The following NELL1 variants were observed in gnomAD, a reference collection of about 807,000 sequenced individuals.
NELL1 encodes the protein neural EGFL like 1.
In NELL1, 76 loss-of-function variants were observed where a neutral mutation model predicts 107.4. The ratio of observed to expected loss-of-function variants is 0.71; its 90% CI spans 0.59 to 0.86. The LOEUF is 0.86. Ranked by LOEUF, NELL1 falls within the 40% of genes least tolerant of loss-of-function variation. NELL1 has a pLI of 0.00. For missense variants in NELL1, 1,024 were observed against 1,005.5 expected (o/e 1.02, Z -0.25); for synonymous variants, 353 against 341.2 (o/e 1.03, Z -0.38).
intron 4 of NELL1, among the ~76,000 whole-genome samples, chr11:20,864,596 A>G (rs1283385883): frequency 6.6e-6 from 1 of 152,178 alleles, no homozygotes; most frequent in Non-Finnish European, 1.5e-5. Flanking sequence ...CCCAATTGGC[A>G]GGGGTCAATC....
chr11:21,397,235 T>C (rs1339791089), intron 15 of NELL1, among the ~76,000 whole-genome samples: 1 of 151,680 alleles, frequency 6.6e-6, no homozygotes, highest in Admixed American at 6.6e-5. Context: ...CAATGATTTA[T>C]TGTTCTTTAA....
intron 14 of NELL1, among the ~76,000 whole-genome samples, chr11:21,341,479 A>C (rs1236745606): frequency 1.3e-5 from 2 of 152,312 alleles, no homozygotes; most frequent in Non-Finnish European, 2.9e-5. Context: ...TTTGTAAACA[A>C]AGCCTCATGT....
At chr11:20,969,149 C>T (rs1435453975) in intron 12 of NELL1, among the ~76,000 whole-genome samples, 2 of 152,158 alleles carry the variant, frequency 1.3e-5, no homozygotes, top group Admixed American at 1.3e-4. Flanking sequence ...TAGGATTTGA[C>T]TACTTAACCA....
intron 15 of NELL1, among the ~76,000 whole-genome samples, chr11:21,489,186 G>T (rs1451350494): frequency 1.3e-5 from 2 of 151,462 alleles, no homozygotes; most frequent in Non-Finnish European, 2.9e-5. Context: ...TAGAGGAAAT[G>T]GATAAATTCC....
At chr11:21,404,078 CATT>C (rs148407266) in intron 15 of NELL1, among the ~76,000 whole-genome samples, 1,555 of 140,856 alleles carry the variant, frequency 0.011, 12 homozygotes, top group Non-Finnish European at 0.018. Flanking sequence ...AATTCAATCT[CATT>C]GTTGAACTTC....
intron 12 of NELL1, among the ~76,000 whole-genome samples, chr11:20,980,668 A>C (rs571149056): frequency 6.6e-6 from 1 of 152,196 alleles, no homozygotes; most frequent in Non-Finnish European, 1.5e-5. Flanking sequence ...TTGCATATCA[A>C]TTTATCTCTA....
intron 14 of NELL1, among the ~76,000 whole-genome samples, chr11:21,277,577 C>T (rs1848896144): frequency 6.6e-6 from 1 of 152,164 alleles, no homozygotes; most frequent in African/African-American, 2.4e-5. Flanking sequence ...ATAAATCTTG[C>T]TGCTATAAAG....
chr11:21,295,996 T>C (rs1184239744), intron 14 of NELL1, among the ~76,000 whole-genome samples: 1 of 152,136 alleles, frequency 6.6e-6, no homozygotes, highest in African/African-American at 2.4e-5. Flanking sequence ...AGTTTAAGCA[T>C]CTGGTTTGCT....
intron 12 of NELL1, among the ~76,000 whole-genome samples, chr11:21,070,056 T>G (rs1357943337): frequency 6.6e-6 from 1 of 152,078 alleles, no homozygotes; most frequent in Non-Finnish European, 1.5e-5. Flanking sequence ...CAAAATAGTT[T>G]CCTTGCCTGA....
chr11:20,676,223 A>G (rs2467091), intron 1 of NELL1, among the ~76,000 whole-genome samples: 5 of 151,418 alleles, frequency 3.3e-5, no homozygotes, highest in Admixed American at 6.6e-5. Context: ...CTTGAAAGAA[A>G]CTTTTCAACC....
At chr11:21,306,652 C>T (rs1565158857) in intron 14 of NELL1, among the ~76,000 whole-genome samples, 1 of 152,052 alleles carries the variant, frequency 6.6e-6, no homozygotes, top group Non-Finnish European at 1.5e-5. Context: ...TCATCAACTT[C>T]ACCTAATAAA....
At chr11:21,135,107 G>A (rs1284212536) in intron 13 of NELL1, among the ~76,000 whole-genome samples, 3 of 152,070 alleles carry the variant, frequency 2.0e-5, no homozygotes, top group Admixed American at 1.3e-4. Context: ...GCTTAAAAGT[G>A]GGGAAAAGCA....
intron 2 of NELL1, among the ~76,000 whole-genome samples, chr11:20,703,548 G>A (rs576222248): frequency 2.6e-5 from 4 of 151,924 alleles, no homozygotes; most frequent in African/African-American, 9.7e-5. Context: ...TCTGCTAGCT[G>A]TTGAATGTGT....
At chr11:21,000,206 G>C (rs1023278391) in intron 12 of NELL1, among the ~76,000 whole-genome samples, 1 of 151,842 alleles carries the variant, frequency 6.6e-6, no homozygotes, top group African/African-American at 2.4e-5. Context: ...CACGGCACAT[G>C]TATACATATG....
At chr11:21,023,613 G>A (rs559461786) in intron 12 of NELL1, among the ~76,000 whole-genome samples, 42 of 152,072 alleles carry the variant, frequency 2.8e-4, no homozygotes, top group Admixed American at 6.6e-4. Flanking sequence ...TTAATAGACT[G>A]GTGGGGGAAT....
intron 13 of NELL1, among the ~76,000 whole-genome samples, chr11:21,223,278 T>C (rs1857807814): frequency 6.6e-6 from 1 of 152,204 alleles, no homozygotes; most frequent in Non-Finnish European, 1.5e-5. Flanking sequence ...AATTGTTATA[T>C]ATACTTGCTG....
chr11:21,458,422 T>TAATC (rs1381888812), intron 15 of NELL1, among the ~76,000 whole-genome samples: 3 of 152,054 alleles, frequency 2.0e-5, no homozygotes, highest in African/African-American at 7.2e-5. Flanking sequence ...ACAAAGATAA[T>TAATC]AATCACAGAA....
At chr11:20,970,445 G>T (rs1564992629) in intron 12 of NELL1, among the ~76,000 whole-genome samples, 1 of 152,126 alleles carries the variant, frequency 6.6e-6, no homozygotes, top group Non-Finnish European at 1.5e-5. Context: ...TTAAAAGGGG[G>T]AAAAGAGCCT....
At chr11:21,325,613 T>C (rs1446517295) in intron 14 of NELL1, among the ~76,000 whole-genome samples, 3 of 152,100 alleles carry the variant, frequency 2.0e-5, no homozygotes, top group Non-Finnish European at 4.4e-5. Flanking sequence ...TATTAACTTA[T>C]TTTGCTCATT....
Sources: gnomAD v4.1 joint callset for allele counts (sites outside exome capture counted in the v4.1 genomes callset) on GRCh38, gnomAD v4.1.1 for gene constraint, MANE v1.5 for transcripts, NCBI Gene and HGNC (gene_info 2026-07-23, HGNC 2026-07-21) for gene names.